Variants in DGKB observed in about 807,000 individuals in gnomAD.
The protein encoded by DGKB is 90 kDa diacylglycerol kinase.
Under a neutral mutation model 114.3 loss-of-function variants are expected in DGKB, and 67 were observed. That is an observed-to-expected ratio of 0.59 (90% confidence interval 0.48 to 0.72). DGKB has a LOEUF of 0.72. DGKB is among the 30% of genes least tolerant of loss of function. DGKB has a pLI of 0.00. For missense variants in DGKB, 907 were observed against 975.2 expected, an observed-to-expected ratio of 0.93 and a Z score of 0.93; for synonymous variants, 398 against 323.1, an observed-to-expected ratio of 1.23 and a Z score of -2.49.
At chr7:14,241,681 A>G (rs1043531060) in intron 23 of DGKB, among the ~76,000 whole-genome samples, 1 of 152,088 alleles carries the variant, frequency 6.6e-6, no homozygotes, top group African/African-American at 2.4e-5. Context: ...TATTTCCCTA[A>G]ACCCCAGGGA....
chr7:14,580,062 C>A (rs940337955), intron 19 of DGKB, among the ~76,000 whole-genome samples: 6 of 152,158 alleles, frequency 3.9e-5, no homozygotes, highest in Non-Finnish European at 8.8e-5. Flanking sequence ...AGTGACTCTG[C>A]AAAATGTTTT....
At chr7:14,188,959 GA>G (rs1272429690) in intron 23 of DGKB, among the ~76,000 whole-genome samples, 2 of 151,950 alleles carry the variant, frequency 1.3e-5, no homozygotes, top group Non-Finnish European at 2.9e-5. Context: ...AAATGAAGAA[GA>G]AATAAAAATT....
chr7:14,223,922 T>G (rs2128327545), intron 23 of DGKB, among the ~76,000 whole-genome samples: 1 of 151,918 alleles, frequency 6.6e-6, no homozygotes, highest in African/African-American at 2.4e-5. Context: ...TTGCTGTTTC[T>G]AAATTTTTTT....
At chr7:14,256,210 C>A (rs549394205) in intron 23 of DGKB, among the ~76,000 whole-genome samples, 2 of 152,134 alleles carry the variant, frequency 1.3e-5, no homozygotes, top group African/African-American at 4.8e-5. Context: ...ACATACTCTG[C>A]ATTACTGCCA....
chr7:14,205,067 G>A (rs888525924), intron 23 of DGKB, among the ~76,000 whole-genome samples: 3 of 151,876 alleles, frequency 2.0e-5, no homozygotes, highest in African/African-American at 7.3e-5. Context: ...ATATCTTACA[G>A]GCTTATTTCC....
chr7:14,964,454 C>T (rs777793755), intron 1 of DGKB, among the ~76,000 whole-genome samples: 2 of 152,064 alleles, frequency 1.3e-5, no homozygotes, highest in African/African-American at 4.8e-5. Context: ...GAGCTAAGAT[C>T]GCACCATTGC....
intron 21 of DGKB, among the ~76,000 whole-genome samples, chr7:14,417,649 A>G (rs139216683): frequency 2.0e-5 from 3 of 152,028 alleles, no homozygotes; most frequent in African/African-American, 7.2e-5. Context: ...AAGTTTTTGC[A>G]TGGACATGTG....
chr7:14,648,124 G>C (rs190675597), intron 13 of DGKB, among the ~76,000 whole-genome samples: 2 of 152,218 alleles, frequency 1.3e-5, no homozygotes, highest in Admixed American at 6.5e-5. Flanking sequence ...CAGGAAGCTG[G>C]AACTGGGTGG....
chr7:14,421,444 G>A (rs1174759589), intron 21 of DGKB, among the ~76,000 whole-genome samples: 1 of 152,040 alleles, frequency 6.6e-6, no homozygotes, highest in African/African-American at 2.4e-5. Context: ...ATAGTAAACT[G>A]TAAACTAATA....
At chr7:14,937,244 T>G (rs1785321921) in intron 1 of DGKB, among the ~76,000 whole-genome samples, 1 of 152,052 alleles carries the variant, frequency 6.6e-6, no homozygotes, top group Non-Finnish European at 1.5e-5. Flanking sequence ...TATAGGTTGG[T>G]TTTTTTAAGT....
At chr7:14,781,314 C>T (rs1287982042) in intron 2 of DGKB, among the ~76,000 whole-genome samples, 3 of 152,218 alleles carry the variant, frequency 2.0e-5, no homozygotes, top group African/African-American at 7.2e-5. Flanking sequence ...TATTCACATT[C>T]TGGGTCCTCC....
chr7:14,219,434 G>C (rs1789557606), intron 23 of DGKB, among the ~76,000 whole-genome samples: 1 of 151,802 alleles, frequency 6.6e-6, no homozygotes, highest in Admixed American at 6.6e-5. Context: ...GCAACACTTA[G>C]TGTTATCTGA....
At chr7:14,596,908 T>C (rs560638873) in intron 17 of DGKB, among the ~76,000 whole-genome samples, 12 of 152,244 alleles carry the variant, frequency 7.9e-5, no homozygotes, top group East Asian at 1.9e-4. Flanking sequence ...TTTTAAAATA[T>C]CAAAAACTCA....
At chr7:14,661,898 C>A (rs960289667) in intron 13 of DGKB, among the ~76,000 whole-genome samples, 22 of 152,198 alleles carry the variant, frequency 1.4e-4, no homozygotes, top group African/African-American at 5.3e-4. Context: ...AGTTCACGTC[C>A]TTTGTAGGGA....
intron 21 of DGKB, among the ~76,000 whole-genome samples, chr7:14,406,450 T>A (rs1823941402): frequency 6.6e-6 from 1 of 152,014 alleles, no homozygotes; most frequent in African/African-American, 2.4e-5. Context: ...GACCCTGATA[T>A]AAAGAAATGA....
At position 14,919,061 on chromosome 7, in the gene DGKB, C is replaced by T. The variant is rs577878337; in HGVS notation, c.-188+55635G>A. The stretch of plus-strand genomic sequence containing the variant: ...GGTGACAGAGTGAGACTCCACCACA[C>T]GCACACACACACACACACACACACA... On this transcript the variant is annotated intron_variant, in intron 1 of 4. Coordinates refer to the DGKB transcript ENST00000437998. Among the ~76,000 whole-genome samples, 296 of 115,482 alleles carry T rather than the reference C, an allele frequency of 2.6e-3. 1 individual carries two copies. The highest frequency in any genetic ancestry group is 0.014 in the Admixed American group (153 of 10,732). 75.8% of individuals were successfully genotyped at this position (115,482 alleles called of 152,430 possible).
intron 1 of DGKB, among the ~76,000 whole-genome samples, chr7:14,919,300 C>T (rs1784407392): frequency 6.6e-6 from 1 of 151,888 alleles, no homozygotes; most frequent in Non-Finnish European, 1.5e-5. Context: ...AACAGAGAGC[C>T]AAGAAATACA....
chr7:14,702,775 T>C (rs1008513457), intron 6 of DGKB, among the ~76,000 whole-genome samples: 8 of 152,316 alleles, frequency 5.3e-5, no homozygotes, highest in African/African-American at 1.9e-4. Flanking sequence ...GGTCTATTTG[T>C]AGGTGATTAT....
chr7:14,181,642 G>A (rs1005573220), intron 23 of DGKB, among the ~76,000 whole-genome samples: 2 of 152,210 alleles, frequency 1.3e-5, no homozygotes, highest in Admixed American at 6.5e-5. Flanking sequence ...GTTGCAACCA[G>A]ACCTGGAGAT....
Sources: gnomAD v4.1 joint callset for allele counts (sites outside exome capture counted in the v4.1 genomes callset) on GRCh38, gnomAD v4.1.1 for gene constraint, MANE v1.5 for transcripts, NCBI Gene and HGNC (gene_info 2026-07-23, HGNC 2026-07-21) for gene names.